The following DTNA variants were observed in gnomAD, a reference collection of about 807,000 sequenced individuals.
DTNA encodes the protein dystrobrevin alpha, also known as dystrophin-related protein 3.
DTNA carries 43 observed loss-of-function variants against 100.7 expected under a neutral mutation model. The observed-to-expected ratio is 0.43, with a 90% CI of 0.33 to 0.55. The LOEUF (loss-of-function observed/expected upper bound fraction) is 0.55. DTNA is among the 20% of genes least tolerant of loss of function. The pLI is 0.04. For missense variants in DTNA, 798 were observed against 953.9 expected (o/e 0.84, Z 2.15); for synonymous variants, 349 against 347.9 (o/e 1.00, Z -0.04).
intron 2 of DTNA, among the ~76,000 whole-genome samples, chr18:34,763,596 A>T (rs569330342): frequency 2.5e-4 from 38 of 152,246 alleles, no homozygotes; most frequent in African/African-American, 7.7e-4. Context: ...GTCTATTTTT[A>T]AAAAAAGATC....
intron 1 of DTNA, among the ~76,000 whole-genome samples, chr18:34,704,246 T>C (rs1376865434): frequency 2.6e-5 from 4 of 152,204 alleles, no homozygotes; most frequent in Non-Finnish European, 5.9e-5. Flanking sequence ...ACATAATTAC[T>C]TGTCCTTTCC....
chr18:34,810,853 G>C (rs1234847792), intron 5 of DTNA, among the ~76,000 whole-genome samples: 1 of 152,142 alleles, frequency 6.6e-6, no homozygotes, highest in Non-Finnish European at 1.5e-5. Context: ...AATCTCTACA[G>C]TCTCATGGTT....
In DTNA at chr18:34,636,456, C is replaced by T. The variant is rs1409209390; in HGVS notation, c.-1-119520C>T. On this transcript the variant is annotated intron_variant, in intron 1 of 19. Transcript: ENST00000283365. ...GTAATTTTTAATGTTTCATCAAGGA[C>T]ACCCTGAAGTAAAACAAACTTTTAA... Among the ~76,000 whole-genome samples the T allele has an allele frequency of 2.0e-5, 3 of 152,150 alleles. No individual in the cohort carries two copies. In the East Asian group the frequency reaches 5.8e-4, roughly 29 times the overall value.
intron 10 of DTNA, chr18:34,829,150 A>G: frequency 6.2e-7 from 1 of 1,613,650 alleles, no homozygotes; most frequent in Middle Eastern, 1.7e-4. Flanking sequence ...GGTGCATGGT[A>G]CCCATTAACC....
chr18:34,680,804 T>A (rs2077998321), intron 1 of DTNA, among the ~76,000 whole-genome samples: 1 of 152,120 alleles, frequency 6.6e-6, no homozygotes, highest in Non-Finnish European at 1.5e-5. Flanking sequence ...AAAATGAAAA[T>A]GAAAAACTTA....
At chr18:34,636,511 G>A (rs2058683146) in intron 1 of DTNA, among the ~76,000 whole-genome samples, 1 of 152,202 alleles carries the variant, frequency 6.6e-6, no homozygotes, top group African/African-American at 2.4e-5. Context: ...TACTAGTGAA[G>A]TCTGAGAGAA....
chr18:34,582,012 C>A (rs918332031), intron 1 of DTNA, among the ~76,000 whole-genome samples: 2 of 152,128 alleles, frequency 1.3e-5, no homozygotes, highest in Admixed American at 1.3e-4. Context: ...ATAACGCAAA[C>A]TTATAAATTA....
intron 11 of DTNA, 123 bp downstream of exon 11, chr18:34,829,612 G>T: frequency 2.0e-6 from 2 of 1,005,516 alleles, no homozygotes; most frequent in Non-Finnish European, 2.7e-6. Flanking sequence ...AGGTCTTCTG[G>T]GGTTTAATGA....
chr18:34,776,636 T>C (rs1462946522), intron 3 of DTNA, among the ~76,000 whole-genome samples: 1 of 152,216 alleles, frequency 6.6e-6, no homozygotes, highest in Non-Finnish European at 1.5e-5. Flanking sequence ...CCACCGTGCC[T>C]GGCCCACATG....
intron 1 of DTNA, among the ~76,000 whole-genome samples, chr18:34,745,664 G>A (rs1301600313): frequency 6.6e-6 from 1 of 152,164 alleles, no homozygotes; most frequent in Non-Finnish European, 1.5e-5. Flanking sequence ...TCGCCAGCAA[G>A]CTTCTTGCCC....
At chr18:34,756,970 G>A (rs555007106) in intron 2 of DTNA, among the ~76,000 whole-genome samples, 2 of 152,236 alleles carry the variant, frequency 1.3e-5, no homozygotes, top group Admixed American at 6.5e-5. Context: ...CTAAAGATTG[G>A]AAGTGACTGG....
intron 1 of DTNA, among the ~76,000 whole-genome samples, chr18:34,643,485 C>T (rs532469162): frequency 2.9e-4 from 44 of 152,272 alleles, no homozygotes; most frequent in Non-Finnish European, 6.0e-4. Context: ...TGTTAATTAG[C>T]CTGTTTCTGA....
chr18:34,592,696 C>T (rs901549588), intron 1 of DTNA, among the ~76,000 whole-genome samples: 6 of 152,008 alleles, frequency 3.9e-5, no homozygotes, highest in African/African-American at 1.5e-4. Context: ...CACTGGCAAG[C>T]AGGCGGCATG....
chr18:34,741,690 T>C (rs2090676355), intron 1 of DTNA, among the ~76,000 whole-genome samples: 1 of 152,208 alleles, frequency 6.6e-6, no homozygotes, highest in Non-Finnish European at 1.5e-5. Flanking sequence ...TTTGAGTTTC[T>C]GTTTTATGCT....
intron 1 of DTNA, among the ~76,000 whole-genome samples, chr18:34,540,891 C>A (rs148482055): frequency 3.2e-4 from 49 of 152,142 alleles, no homozygotes; most frequent in African/African-American, 1.1e-3. Flanking sequence ...TAAACATTTC[C>A]AATATCCAGA....
At chr18:34,619,580 G>A (rs1486426973) in intron 1 of DTNA, among the ~76,000 whole-genome samples, 1 of 152,114 alleles carries the variant, frequency 6.6e-6, no homozygotes, top group African/African-American at 2.4e-5. Flanking sequence ...AGGTCAGGAG[G>A]AAAAGACATA....
At chr18:34,575,943 A>C (rs1305542984) in intron 1 of DTNA, among the ~76,000 whole-genome samples, 1 of 152,230 alleles carries the variant, frequency 6.6e-6, no homozygotes, top group Non-Finnish European at 1.5e-5. Context: ...CAACCAAGAC[A>C]TTTCCAGTGC....
At chr18:34,640,509 A>T (rs16965707) in intron 1 of DTNA, among the ~76,000 whole-genome samples, 1 of 152,210 alleles carries the variant, frequency 6.6e-6, no homozygotes, top group African/African-American at 2.4e-5. Flanking sequence ...AAGGACCTCC[A>T]GTGCCAATCA....
intron 1 of DTNA, among the ~76,000 whole-genome samples, chr18:34,700,798 T>G (rs1464021352): frequency 6.6e-6 from 1 of 152,232 alleles, no homozygotes; most frequent in East Asian, 1.9e-4. Flanking sequence ...TGCATCATGC[T>G]TCTTCTCCCA....
Sources: gnomAD v4.1 joint callset for allele counts (sites outside exome capture counted in the v4.1 genomes callset) on GRCh38, gnomAD v4.1.1 for gene constraint, MANE v1.5 for transcripts, NCBI Gene and HGNC (gene_info 2026-07-23, HGNC 2026-07-21) for gene names.